The following NPC1 variants were observed in gnomAD, a reference collection of about 807,000 sequenced individuals.
NPC1 encodes the protein Niemann-Pick C1 protein.
NPC1 carries 85 observed loss-of-function variants against 140.4 expected under a neutral mutation model. The ratio of observed to expected loss-of-function variants is 0.61; its 90% CI spans 0.51 to 0.72. NPC1 has a LOEUF of 0.72. Among genes scored for constraint, NPC1 ranks in the 30% least tolerant of loss-of-function variants. The probability of loss-of-function intolerance (pLI) is 0.00; values close to 1 mark genes in which losing one functional copy is unlikely to be tolerated. For synonymous variants in NPC1, 656 were observed against 624.8 expected (o/e 1.05, Z -0.74); for missense variants, 1,504 against 1,623.8 (o/e 0.93, Z 1.27).
chr18:23,536,001 AAC>A lies in NPC1; in HGVS notation c.3246-303_3246-302del, dbSNP rs546067119. On this transcript the variant is annotated intron_variant, in intron 21 of 24. Coordinates refer to ENST00000269228, the MANE Select transcript of NPC1 (RefSeq NM_000271.5). ...AGAGCATTCCACAGCATTCTGAAAA[AAC>A]ACAAAAAAACAAAGAATCCTGATCT... Among the ~76,000 whole-genome samples, 128 of 151,704 alleles carry A rather than the reference AAC, an allele frequency of 8.4e-4. 2 individuals carry two copies. The highest frequency in any genetic ancestry group is 8.2e-3 in the Admixed American group (126 of 15,290).
chr18:23,576,328 G>A (rs1319557551), intron 1 of NPC1, among the ~76,000 whole-genome samples: 1 of 152,078 alleles, frequency 6.6e-6, no homozygotes, highest in African/African-American at 2.4e-5. Context: ...GGCTGAGCTG[G>A]GAAGATCAGC....
chr18:23,549,646 T>A (rs2058838493), intron 10 of NPC1, among the ~76,000 whole-genome samples: 2 of 148,904 alleles, frequency 1.3e-5, no homozygotes, highest in African/African-American at 4.9e-5. Flanking sequence ...CTCTGAAAAA[T>A]AAAATAAAAA....
Position 23,532,354 on chromosome 18 carries a change from C to G in NPC1, c.3755-70G>C, listed in dbSNP as rs1337496574. ...AGCTAGTTGGCTGGGCATAGTGGCT[C>G]ACGCCTGTAATCCCACTTTGGAAGA... On this transcript the variant is annotated intron_variant, in intron 24 of 24. Coordinates refer to ENST00000269228, the MANE Select transcript of NPC1 (RefSeq NM_000271.5). 2.6e-6 allele frequency: 4 copies of G among 1,562,418 alleles called. No homozygotes were observed. The South Asian group carries it at 3.3e-5, about 13-fold the overall frequency.
At position 23,560,382 on chromosome 18, in the gene NPC1, A is replaced by G. The variant is rs746957974; in HGVS notation, c.730T>C (p.Ser244Pro). Reference protein sequence around the residue: ...VTAPCSCQDCSIVCGPKPQPP... With the variant: ...VTAPCSCQDCPIVCGPKPQPP... ...TGGGGCTTGGGGCCACAGACAATAG[A>G]GCAGTCTTGGCAGCTACATGGTGCT... The change falls in exon 6 of 25, where the codon TCT becomes CCT. Residue 244 changes from serine (S) to proline (P), a missense_variant. Physicochemically the swap from Ser to Pro is moderately conservative, Grantham distance 74. Transcript: ENST00000269228. 1.2e-6 allele frequency: 2 copies of G among 1,614,232 alleles called. No individual in the cohort carries two copies. The highest frequency in any genetic ancestry group is 2.2e-5 in the East Asian group (1 of 44,888).
chr18:23,586,336 G>A lies in NPC1; in HGVS notation c.8C>T (p.Ala3Val), dbSNP rs1321449179. ...GAGGAGGCCAAGGGCCAGGCCGCGA[G>A]CGGTCATGCTGTGGCCGCGCAAGGC... is the stretch of plus-strand genomic sequence containing the variant. Reference protein sequence around the residue: MTARGLALGLLLL... With the variant: MTVRGLALGLLLL... The change falls in exon 1 of 25, where the codon GCT (alanine) becomes GTT (valine). Residue 3 changes from alanine (A) to valine (V), a missense_variant. Physicochemically the swap from Ala to Val is moderately conservative, Grantham distance 64. Transcript: ENST00000269228. The A allele has an allele frequency of 6.5e-7, 1 of 1,533,992 alleles. No individual in the cohort carries two copies. Among genetic ancestry groups the A allele is most frequent in the African/African-American group, 1.4e-5 (1 of 73,010 alleles).
At position 23,551,662 on chromosome 18, in the gene NPC1, G is replaced by A. The variant is rs1300893995; in HGVS notation, c.1619C>T (p.Pro540Leu). 2 of 1,614,058 alleles carry A rather than the reference G, an allele frequency of 1.2e-6. No individual in the cohort carries two copies. The highest frequency in any genetic ancestry group is 3.3e-5 in the Admixed American group (2 of 60,018). Residue 540 changes from proline (P) to leucine (L), a missense_variant, in exon 10 of 25, where the codon CCA becomes CTA. Physicochemically the swap from Pro to Leu is moderately conservative, Grantham distance 98. Transcript: ENST00000269228. ...HDPCLGTFGG[P>L]VFPWLVLGGY... ...TCCCAACACAAGCCACGGGAACACT[G>A]GTCCACCAAACGTACCCAGACAAGG... is the stretch of plus-strand genomic sequence containing the variant.
rs142477400 is a variant in NPC1, at chr18:23,531,731, A to C, written c.*471T>G. On this transcript the variant is annotated 3_prime_UTR_variant, in exon 25 of 25. Transcript: ENST00000269228. ...ATCACTTGCTGTTTTTTTATATAAA[A>C]ATGTGTACAAAGTTAATTTATTGCA... The C allele has an allele frequency of 6.3e-7, 1 of 1,597,608 alleles. No homozygotes were observed. The highest frequency in any genetic ancestry group is 2.2e-5 in the East Asian group (1 of 44,788).
At chr18:23,538,214 T>C (rs1440810810) in intron 20 of NPC1, among the ~76,000 whole-genome samples, 1 of 152,184 alleles carries the variant, frequency 6.6e-6, no homozygotes, top group African/African-American at 2.4e-5. Flanking sequence ...CCAAGTTCCT[T>C]CAGGCCTGGA....
At chr18:23,519,936 G>A (rs2058100448), downstream of NPC1, among the ~76,000 whole-genome samples, 1 of 152,210 alleles carries the variant, frequency 6.6e-6, no homozygotes, top group Non-Finnish European at 1.5e-5. Context: ...CAGTTGAAAT[G>A]ACAGAGATCT....
Position 23,568,940 on chromosome 18 carries a change from G to A in NPC1, c.346C>T (p.Arg116Ter), listed in dbSNP as rs144973225. ...NLFCELTCSP[R>*]QSQFLNVTAT... is the part of the protein sequence containing the mutation. Reference sequence around the variant, plus strand: ...GTAACATTCAAAAACTGACTCTGTCGAGGGCTACATGTCAGCTCACAAAAC... The same window carrying A: ...GTAACATTCAAAAACTGACTCTGTCAAGGGCTACATGTCAGCTCACAAAAC... The change falls in exon 4 of 25, where the codon CGA (arginine) becomes TGA (stop). Residue 116 changes from arginine (R) to a stop codon, truncating the protein, a stop_gained. Transcript: ENST00000269228. LOFTEE classifies it high-confidence loss of function. The A allele has an allele frequency of 3.1e-6, 5 of 1,613,900 alleles. No homozygotes were observed. The highest frequency in any genetic ancestry group is 1.1e-5 in the South Asian group (1 of 91,080).
chr18:23,527,738 A>G, downstream of NPC1: 2 of 1,405,116 alleles, frequency 1.4e-6, no homozygotes, highest in South Asian at 1.2e-5. Flanking sequence ...ACGTGTGGAA[A>G]TTCTGAAGCT....
chr18:23,506,453 G>A (rs369029666), exon 4 of NPC1: 6 of 152,190 alleles, frequency 3.9e-5, no homozygotes, highest in African/African-American at 1.4e-4. Context: ...GGCTGGTCTC[G>A]AATTCCTGTG....
chr18:23,560,629 G>A, intron 5 of NPC1, 149 bp from the exon 6 acceptor site: 2 of 919,418 alleles, frequency 2.2e-6, no homozygotes, highest in East Asian at 5.3e-5. Flanking sequence ...ATTAAATTAT[G>A]TTTTGCTGCT....
chr18:23,530,289 A>G, downstream of NPC1: 4 of 1,614,226 alleles, frequency 2.5e-6, no homozygotes, highest in Non-Finnish European at 2.5e-6. Context: ...ATCTCTGGAC[A>G]TGCTGAAGGT....
chr18:23,534,367 G>A, intron 23 of NPC1, 79 bp downstream of exon 23: 1 of 969,990 alleles, frequency 1.0e-6, no homozygotes, highest in Non-Finnish European at 1.6e-6. Flanking sequence ...TGTAAGTACA[G>A]GATCCAGACT....
rs773809600 is a variant in NPC1 at position 23,572,090 on chromosome 18, G to A, written c.271C>T (p.Leu91=). 5 of 1,613,396 alleles carry A rather than the reference G, an allele frequency of 3.1e-6. No individual in the cohort carries two copies. Among genetic ancestry groups the A allele is most frequent in the Non-Finnish European group, 4.2e-6 (5 of 1,179,564 alleles). ...AGAACCTACCTGGACAGAAACTGTA[G>A]AGGCAGCTGCAGGTTGTCTTTTAGT... ...QTLKDNLQLP[L]QFLSRCPSCF... The change falls in exon 3 of 25, where the codon CTA becomes TTA. Residue 91 remains leucine, a synonymous_variant. Transcript: ENST00000269228.
At chr18:23,506,558 A>G in exon 4 of NPC1, 1 of 186,528 alleles carries the variant, frequency 5.4e-6, no homozygotes, top group Non-Finnish European at 1.1e-5. Flanking sequence ...TGAGGCGGTC[A>G]TGAGACACTG....
chr18:23,541,261 T>C lies in NPC1; in HGVS notation c.2373+45A>G, dbSNP rs1236224919. 4.3e-6 allele frequency: 7 copies of C among 1,614,176 alleles called. No homozygotes were observed. The Admixed American group carries it at 1.2e-4, about 27-fold the overall frequency. ...ATACCCGCTAGCTGCTTCCTCTAGA[T>C]TCTAGACTCAAATTAAATAGACTAT... On this transcript the variant is annotated intron_variant, in intron 15 of 24. Coordinates refer to ENST00000269228, the MANE Select transcript of NPC1 (RefSeq NM_000271.5).
At chr18:23,527,749 G>T, downstream of NPC1, 1 of 1,472,836 alleles carries the variant, frequency 6.8e-7, no homozygotes, top group South Asian at 1.1e-5. Context: ...TTCTGAAGCT[G>T]ACATGAAGTT....
Sources: allele counts gnomAD v4.1 joint callset (sites outside exome capture counted in the v4.1 genomes callset), GRCh38; gene constraint gnomAD v4.1.1; transcripts MANE v1.5; gene names NCBI Gene and HGNC (gene_info 2026-07-23, HGNC 2026-07-21).